MACC1: variants seen among roughly 807,000 people sequenced by gnomAD.
The protein encoded by MACC1 is metastasis-associated in colon cancer protein 1.
In MACC1, 79 loss-of-function variants were observed where a neutral mutation model predicts 70.7. The observed-to-expected ratio is 1.12, with a 90% CI of 0.93 to 1.35. The LOEUF is 1.35. MACC1 is among the 40% of genes most tolerant of loss of function. The pLI is 0.00. For missense variants in MACC1, 1,106 were observed against 978.1 expected, an observed-to-expected ratio of 1.13 and a Z score of -1.74; for synonymous variants, 361 against 347.2, an observed-to-expected ratio of 1.04 and a Z score of -0.44.
rs1782038502 is a variant in MACC1, at chr7:20,155,237, A to G, written c.2158-856T>C. 3.3e-5 allele frequency among the ~76,000 whole-genome samples: 5 copies of G among 152,312 alleles called. No individual in the cohort carries two copies. In the South Asian group the frequency reaches 1.0e-3, roughly 32 times the overall value. Reference sequence around the variant, plus strand: ...AGCTCCCCCTTAGGAGGGGGAATCCAAGGAGATCCAAGAATCCAAAGGAGT... The same window carrying G: ...AGCTCCCCCTTAGGAGGGGGAATCCGAGGAGATCCAAGAATCCAAAGGAGT... On this transcript the variant is annotated intron_variant, in intron 5 of 6. Transcript: ENST00000400331.
chr7:20,157,313 C>T (rs1488087782), intron 5 of MACC1, among the ~76,000 whole-genome samples: 2 of 151,784 alleles, frequency 1.3e-5, no homozygotes, highest in Non-Finnish European at 2.9e-5. Flanking sequence ...GTAAAAAGTA[C>T]TTTGTAATTC....
chr7:20,215,177 T>C (rs1206546078), intron 1 of MACC1, among the ~76,000 whole-genome samples: 1 of 152,186 alleles, frequency 6.6e-6, no homozygotes, highest in Admixed American at 6.5e-5. Context: ...AATCCCCTGA[T>C]ACTGAGCATC....
At chr7:20,200,033 G>A (rs762130484) in intron 1 of MACC1, among the ~76,000 whole-genome samples, 15 of 151,222 alleles carry the variant, frequency 9.9e-5, no homozygotes, top group Non-Finnish European at 2.1e-4. Flanking sequence ...ATGTGTGTGT[G>A]TGTGTGTGTG....
chr7:20,159,924 A>T lies in MACC1; in HGVS notation c.437T>A (p.Ile146Asn), dbSNP rs1425879635. The T allele has an allele frequency of 1.2e-6, 2 of 1,614,168 alleles. No individual in the cohort carries two copies. The highest frequency in any genetic ancestry group is 1.3e-5 in the African/African-American group (1 of 75,048). Residue 146 changes from isoleucine to asparagine, a missense_variant, in exon 5 of 7, where the codon ATT becomes AAT. Coordinates refer to ENST00000400331, the MANE Select transcript of MACC1 (RefSeq NM_182762.4). ...RSKSVSELLD[I>N]LDDTAHAHQS... is the part of the protein sequence containing the mutation. Reference sequence around the variant, plus strand: ...ATGGGCATGTGCTGTGTCGTCTAAAATGTCCAGAAGTTCTGAAACACTTTT... The same window carrying T: ...ATGGGCATGTGCTGTGTCGTCTAAATTGTCCAGAAGTTCTGAAACACTTTT...
intron 1 of MACC1, among the ~76,000 whole-genome samples, chr7:20,203,622 C>A (rs992535828): frequency 2.0e-5 from 3 of 152,152 alleles, no homozygotes; most frequent in Admixed American, 2.0e-4. Context: ...CTCACCTACC[C>A]CTCTGGATTG....
chr7:20,176,431 T>C (rs1228871416), intron 1 of MACC1, among the ~76,000 whole-genome samples: 1 of 152,130 alleles, frequency 6.6e-6, no homozygotes, highest in African/African-American at 2.4e-5. Flanking sequence ...GTCTATTGTT[T>C]TCAAAGCCTG....
At chr7:20,192,915 A>G (rs914031470) in intron 1 of MACC1, among the ~76,000 whole-genome samples, 1 of 152,232 alleles carries the variant, frequency 6.6e-6, no homozygotes, top group East Asian at 1.9e-4. Flanking sequence ...GTCTTTGACA[A>G]TGTGAATCTG....
rs571811905 is a variant in MACC1 at position 20,138,843 on chromosome 7, T to G, written c.*2103A>C. On this transcript the variant is annotated 3_prime_UTR_variant, in exon 7 of 7. Transcript: ENST00000400331. ...GCCTGCCACCACGCCCGGCTAATTT[T>G]TTGTATTTTTAGTAGAGACGGGGTT... 10 of 152,218 alleles carry G rather than the reference T, an allele frequency of 6.6e-5. No individual in the cohort carries two copies. Among genetic ancestry groups the G allele is most frequent in the African/African-American group, 1.7e-4 (7 of 41,540 alleles). 9.4% of individuals were successfully genotyped at this position (152,218 alleles called of 1,614,324 possible).
intron 6 of MACC1, among the ~76,000 whole-genome samples, chr7:20,144,419 T>A (rs1781856104): frequency 6.6e-6 from 1 of 152,190 alleles, no homozygotes; most frequent in South Asian, 2.1e-4. Context: ...AAGATAGGTT[T>A]GGGTGGCAGA....
At chr7:20,195,584 C>G (rs1038258790) in intron 1 of MACC1, among the ~76,000 whole-genome samples, 2 of 152,148 alleles carry the variant, frequency 1.3e-5, no homozygotes, top group African/African-American at 4.8e-5. Flanking sequence ...TTTAAATGTA[C>G]TACAATTAGG....
intron 1 of MACC1, among the ~76,000 whole-genome samples, chr7:20,177,718 TTGTTG>T (rs1187699493): frequency 6.1e-5 from 6 of 98,094 alleles, no homozygotes; most frequent in African/African-American, 2.6e-4. Context: ...TTAGCTGCCT[TTGTTG>T]TTTTTTTTTT....
At chr7:20,203,685 C>T (rs76936957) in intron 1 of MACC1, among the ~76,000 whole-genome samples, 1,968 of 152,270 alleles carry the variant, frequency 0.013, 39 homozygotes, top group African/African-American at 0.045. Flanking sequence ...TTCATTCCCC[C>T]TTTATTTTTT....
At chr7:20,153,914 C>G (rs573247817) in intron 6 of MACC1, among the ~76,000 whole-genome samples, 3 of 152,322 alleles carry the variant, frequency 2.0e-5, no homozygotes, top group Admixed American at 6.5e-5. Flanking sequence ...GCCATCCCCA[C>G]TTACTGGCCC....
intron 1 of MACC1, among the ~76,000 whole-genome samples, chr7:20,216,486 T>C (rs1427474207): frequency 2.0e-5 from 3 of 152,064 alleles, no homozygotes; most frequent in African/African-American, 7.2e-5. Context: ...AAACTCTATA[T>C]CCATTAAACA....
chr7:20,138,506 C>G lies in MACC1; in HGVS notation c.*2440G>C, dbSNP rs544027262. On this transcript the variant is annotated 3_prime_UTR_variant, in exon 7 of 7. Coordinates refer to ENST00000400331, the MANE Select transcript of MACC1 (RefSeq NM_182762.4). Reference sequence around the variant, plus strand: ...GATTCCAAGAATGTTCTAAAGAAAGCAAAATCACCACAAAAAAGGACTGTG... The same window carrying G: ...GATTCCAAGAATGTTCTAAAGAAAGGAAAATCACCACAAAAAAGGACTGTG... 1.3e-5 allele frequency: 2 copies of G among 151,994 alleles called. No homozygotes were observed. Among genetic ancestry groups the G allele is most frequent in the African/African-American group, 4.8e-5 (2 of 41,376 alleles). 9.4% of individuals were successfully genotyped at this position (151,994 alleles called of 1,614,324 possible).
At chr7:20,179,473 A>C (rs565715259) in intron 1 of MACC1, among the ~76,000 whole-genome samples, 1 of 151,792 alleles carries the variant, frequency 6.6e-6, no homozygotes, top group African/African-American at 2.4e-5. Flanking sequence ...TGTCCAGTGG[A>C]TTTCGGTTGC....
At chr7:20,160,688 C>T (rs916624925) in intron 4 of MACC1, among the ~76,000 whole-genome samples, 1 of 152,016 alleles carries the variant, frequency 6.6e-6, no homozygotes, top group Non-Finnish European at 1.5e-5. Flanking sequence ...TTGTTGGTTT[C>T]ATTACATTCA....
At chr7:20,186,124 T>C (rs17142558) in intron 1 of MACC1, among the ~76,000 whole-genome samples, 25,089 of 152,214 alleles carry the variant, frequency 0.16, 2,438 homozygotes, top group African/African-American at 0.26. Context: ...AGAGTTCCAG[T>C]TCAGTAAAGC....
At chr7:20,165,434 CT>C (rs1385578833) in intron 2 of MACC1, among the ~76,000 whole-genome samples, 1 of 152,092 alleles carries the variant, frequency 6.6e-6, no homozygotes, top group Non-Finnish European at 1.5e-5. Context: ...AACAAATCCT[CT>C]CTCTCATAAT....
Sources: allele counts gnomAD v4.1 joint callset (sites outside exome capture counted in the v4.1 genomes callset), GRCh38; gene constraint gnomAD v4.1.1; transcripts MANE v1.5; gene names NCBI Gene and HGNC (gene_info 2026-07-23, HGNC 2026-07-21).